The following PRKAR1B variants were observed in gnomAD, a reference collection of about 807,000 sequenced individuals.
The protein encoded by PRKAR1B is cAMP-dependent protein kinase type I-beta regulatory subunit.
In PRKAR1B, 22 loss-of-function variants were observed where a neutral mutation model predicts 46.5. The ratio of observed to expected loss-of-function variants is 0.47; its 90% CI spans 0.34 to 0.68. The LOEUF (loss-of-function observed/expected upper bound fraction) is 0.68. PRKAR1B is among the 30% of genes least tolerant of loss of function. The pLI is 0.01. For synonymous variants in PRKAR1B, 259 were observed against 217.7 expected (o/e 1.19, Z -1.67); for missense variants, 445 against 535.6 (o/e 0.83, Z 1.67).
At position 549,643 on chromosome 7, in the gene PRKAR1B, T is replaced by C. The variant is rs1007636000; in HGVS notation, c.*787A>G. On this transcript the variant is annotated 3_prime_UTR_variant, in exon 11 of 11. Transcript: ENST00000537384. Reference sequence around the variant, plus strand: ...GCTTTCCCCCAACATCAACTTGCCCTGGGTGGACTTTCTAAGAAAGGTGAG... The same window carrying C: ...GCTTTCCCCCAACATCAACTTGCCCCGGGTGGACTTTCTAAGAAAGGTGAG... The C allele has an allele frequency of 1.3e-5, 2 of 152,134 alleles. No homozygotes were observed. The highest frequency in any genetic ancestry group is 6.6e-5 in the Admixed American group (1 of 15,262). 9.4% of individuals were successfully genotyped at this position (152,134 alleles called of 1,614,324 possible).
chr7:727,328 G>A (rs1462803228), upstream of PRKAR1B: 22 of 1,256,268 alleles, frequency 1.8e-5, no homozygotes, highest in African/African-American at 2.5e-4. Context: ...GAGCACCCCG[G>A]GCCCCGCTCC....
chr7:606,433 A>G (rs1455263126), intron 5 of PRKAR1B, among the ~76,000 whole-genome samples, 194 bp from the exon 6 acceptor site: 1 of 152,204 alleles, frequency 6.6e-6, no homozygotes, highest in Non-Finnish European at 1.5e-5. Context: ...CTTAAGTTTC[A>G]TTAGTGAACT....
chr7:576,490 G>T (rs1465851883), intron 9 of PRKAR1B, among the ~76,000 whole-genome samples: 6 of 152,154 alleles, frequency 3.9e-5, no homozygotes, highest in Non-Finnish European at 8.8e-5. Flanking sequence ...GTACTTTTAG[G>T]TTGGAGACAA....
intron 4 of PRKAR1B, among the ~76,000 whole-genome samples, chr7:660,985 C>A (rs547356182): frequency 9.7e-6 from 1 of 103,454 alleles, no homozygotes; most frequent in African/African-American, 4.0e-5. Context: ...GTCCCCACCC[C>A]AACAGATCCA....
rs961799480 is a variant in PRKAR1B, at chr7:644,965, C to T, written c.440+32264G>A. Among the ~76,000 whole-genome samples the T allele has an allele frequency of 2.0e-5, 3 of 152,194 alleles. No homozygotes were observed. Among genetic ancestry groups the T allele is most frequent in the Non-Finnish European group, 2.9e-5 (2 of 68,038 alleles). On this transcript the variant is annotated intron_variant, in intron 4 of 10. Coordinates refer to ENST00000537384, the MANE Select transcript of PRKAR1B (RefSeq NM_001164760.2). The surrounding 1 kb of genome is among the most constrained non-coding windows in gnomAD (Gnocchi z 4.9). ...GGTGACCCAAGACAAGCCTCTTCTCCGCAATGAGCCGTCTCTTCAGCCTCT... is the reference window on the plus strand; with the variant it reads ...GGTGACCCAAGACAAGCCTCTTCTCTGCAATGAGCCGTCTCTTCAGCCTCT...
chr7:570,565 C>T (rs915363596), intron 9 of PRKAR1B, among the ~76,000 whole-genome samples: 4 of 152,152 alleles, frequency 2.6e-5, no homozygotes, highest in East Asian at 1.9e-4. Flanking sequence ...CATCCCCCGC[C>T]GTCCCCTCAG....
At chr7:726,968 G>A (rs1220831256) in intron 1 of PRKAR1B, 8 of 1,311,914 alleles carry the variant, frequency 6.1e-6, no homozygotes, top group Middle Eastern at 2.9e-4. Context: ...CGCTTGCTGC[G>A]CTGCCTGAGC....
chr7:699,326 A>C (rs969670070), intron 2 of PRKAR1B, among the ~76,000 whole-genome samples: 4 of 151,832 alleles, frequency 2.6e-5, no homozygotes, highest in Admixed American at 6.6e-5. Context: ...GCAAAGCACC[A>C]CGTGCCATAT....
intron 4 of PRKAR1B, among the ~76,000 whole-genome samples, chr7:619,253 C>T (rs1782988610): frequency 6.6e-6 from 1 of 152,182 alleles, no homozygotes; most frequent in South Asian, 2.1e-4. Context: ...CACACACAGC[C>T]CTCAGGGGGA....
chr7:710,880 G>C (rs1780589007), intron 2 of PRKAR1B, among the ~76,000 whole-genome samples: 1 of 152,108 alleles, frequency 6.6e-6, no homozygotes, highest in Non-Finnish European at 1.5e-5. Flanking sequence ...CTGACCTCAA[G>C]TGATCTGCCC....
intron 2 of PRKAR1B, among the ~76,000 whole-genome samples, chr7:709,649 C>T (rs1333546567): frequency 6.6e-6 from 1 of 151,970 alleles, no homozygotes; most frequent in African/African-American, 2.4e-5. Flanking sequence ...GGATTACAGG[C>T]GTGAGCCACT....
intron 2 of PRKAR1B, among the ~76,000 whole-genome samples, chr7:701,223 GGGAA>G (rs1164055397): frequency 2.8e-5 from 4 of 140,944 alleles, no homozygotes; most frequent in Non-Finnish European, 6.1e-5. Flanking sequence ...GAGAGAAGGA[GGGAA>G]GGAGGGAGGG....
At chr7:553,440 G>T (rs893175070) in intron 9 of PRKAR1B, among the ~76,000 whole-genome samples, 2 of 152,190 alleles carry the variant, frequency 1.3e-5, no homozygotes, top group African/African-American at 4.8e-5. Flanking sequence ...CAGCACCTGC[G>T]TGAGGAATGT....
intron 9 of PRKAR1B, among the ~76,000 whole-genome samples, chr7:572,982 C>G (rs911078078): frequency 2.6e-5 from 4 of 152,222 alleles, no homozygotes; most frequent in Non-Finnish European, 5.9e-5. Flanking sequence ...GCCACGAGGG[C>G]AGCCACTGAG....
intron 4 of PRKAR1B, among the ~76,000 whole-genome samples, chr7:615,035 C>T (rs1032342787): frequency 6.6e-6 from 1 of 151,794 alleles, no homozygotes; most frequent in African/African-American, 2.4e-5. Context: ...TGAGATTGTG[C>T]CACTGCACTC....
chr7:684,042 T>G (rs904062546), intron 2 of PRKAR1B, among the ~76,000 whole-genome samples: 4 of 150,250 alleles, frequency 2.7e-5, no homozygotes, highest in African/African-American at 9.8e-5. Context: ...TCCACACGTG[T>G]GCTGATGCCC....
intron 4 of PRKAR1B, among the ~76,000 whole-genome samples, chr7:650,597 C>A (rs908557743): frequency 6.6e-6 from 1 of 152,238 alleles, no homozygotes; most frequent in Non-Finnish European, 1.5e-5. Flanking sequence ...CATTGCCACC[C>A]GAACAGCGTG....
At chr7:588,814 CGAT>C (rs1227653851) in intron 7 of PRKAR1B, among the ~76,000 whole-genome samples, 16 of 14,736 alleles carry the variant, frequency 1.1e-3, no homozygotes, top group African/African-American at 4.4e-3. Context: ...GTGGTGATCA[CGAT>C]GATGGTGGTG....
rs188846749 is a variant in PRKAR1B at position 563,282 on chromosome 7, C to T, written c.892-11812G>A. ...GTCAGGCTGCAAGTCCGCCCCAGGA[C>T]CCCCTCCACGGGATACCCCAGTTTT... is the stretch of plus-strand genomic sequence containing the variant. On this transcript the variant is annotated intron_variant, in intron 9 of 10. Transcript: ENST00000537384. Among the ~76,000 whole-genome samples the T allele has an allele frequency of 3.9e-3, 594 of 152,362 alleles. 4 individuals carry two copies. The highest frequency in any genetic ancestry group is 4.5e-3 in the Non-Finnish European group (303 of 68,034).
Sources: gnomAD v4.1 joint callset for allele counts (sites outside exome capture counted in the v4.1 genomes callset) on GRCh38, gnomAD v4.1.1 for gene constraint, Gnocchi (gnomAD v3.1) non-coding constraint, MANE v1.5 for transcripts, NCBI Gene and HGNC (gene_info 2026-07-23, HGNC 2026-07-21) for gene names.